The following PRH1 variants were observed in gnomAD, a reference collection of about 807,000 sequenced individuals.
PRH1 encodes the protein salivary acidic proline-rich phosphoprotein 1/2.
A neutral mutation model predicts 7.9 loss-of-function variants in PRH1; 7 were observed. That is an observed-to-expected ratio of 0.89 (90% confidence interval 0.50 to 1.67). PRH1 has a LOEUF of 1.67. Ranked by LOEUF, PRH1 falls within the 40% of genes most tolerant of loss-of-function variation. The pLI, the probability that PRH1 is intolerant of heterozygous loss-of-function variation, is 0.00. For synonymous variants in PRH1, 45 were observed against 80.8 expected (o/e 0.56, Z 2.38); for missense variants, 109 against 223.6 (o/e 0.49, Z 3.27).
At chr12:11,144,309 T>G (rs1430415886) in intron 1 of PRH1, among the ~76,000 whole-genome samples, 1 of 151,996 alleles carries the variant, frequency 6.6e-6, no homozygotes, top group Non-Finnish European at 1.5e-5. Context: ...TCACTGGAGT[T>G]GGGTACCTGG....
chr12:10,908,984 G>C (rs756093481), intron 2 of PRH1: 2 of 1,613,728 alleles, frequency 1.2e-6, no homozygotes, highest in Non-Finnish European at 1.7e-6. Flanking sequence ...GCAAATAAAA[G>C]ATGCTGAAGA....
intron 1 of PRH1, among the ~76,000 whole-genome samples, chr12:11,087,301 T>C (rs1402405106): frequency 8.6e-6 from 1 of 116,634 alleles, no homozygotes; most frequent in Non-Finnish European, 2.0e-5. Flanking sequence ...GGAGTTTCCA[T>C]ATGTTGCAAA....
chr12:10,882,186 G>A (rs1314656292), intron 3 of PRH1, 31 bp downstream of exon 3: 2 of 1,611,180 alleles, frequency 1.2e-6, no homozygotes, highest in Non-Finnish European at 8.5e-7. Context: ...AGCAGTTGGA[G>A]CCTTTGATGG....
chr12:11,069,687 C>A (rs1054150365), intron 1 of PRH1, among the ~76,000 whole-genome samples: 1 of 152,158 alleles, frequency 6.6e-6, no homozygotes, highest in Admixed American at 6.5e-5. Context: ...GTTCATAAGC[C>A]AATAGTTGAA....
At chr12:10,897,058 G>C (rs895146910) in intron 2 of PRH1, 13 of 152,146 alleles carry the variant, frequency 8.5e-5, no homozygotes, top group African/African-American at 3.1e-4. Context: ...CCATGTGCAG[G>C]CCCTCTGGCT....
At chr12:10,970,352 A>C (rs1337678865) in intron 2 of PRH1, among the ~76,000 whole-genome samples, 1 of 152,172 alleles carries the variant, frequency 6.6e-6, no homozygotes, top group Non-Finnish European at 1.5e-5. Flanking sequence ...AATCATCCGT[A>C]TAATTTAATA....
chr12:11,030,777 G>A lies in PRH1; in HGVS notation c.-126+16243C>T, dbSNP rs747080570. 7.6e-5 allele frequency: 123 copies of A among 1,614,058 alleles called. No individual in the cohort carries two copies. The highest frequency in any genetic ancestry group is 1.0e-4 in the Non-Finnish European group (120 of 1,180,040). ...AAACATAGCAGGGTCAGAGTGAAGG[G>A]CACTAAGTTTCCTAGCGTGGTTACA... On this transcript the variant is annotated intron_variant, in intron 1 of 3. Coordinates refer to the PRH1 transcript ENST00000539853.
At chr12:11,003,872 T>C (rs1233904331) in intron 1 of PRH1, among the ~76,000 whole-genome samples, 1 of 152,058 alleles carries the variant, frequency 6.6e-6, no homozygotes, top group Non-Finnish European at 1.5e-5. Flanking sequence ...TGTAAACATG[T>C]CCCTCTAGTT....
chr12:11,145,153 G>A (rs6488350), intron 1 of PRH1, among the ~76,000 whole-genome samples: 68,906 of 151,648 alleles, frequency 0.45, 16,392 homozygotes, highest in Non-Finnish European at 0.52. Flanking sequence ...TGTTCCATCC[G>A]AACCTACACA....
intron 1 of PRH1, among the ~76,000 whole-genome samples, chr12:11,030,234 CAT>C (rs1942120783): frequency 8.4e-6 from 1 of 118,616 alleles, no homozygotes; most frequent in African/African-American, 2.7e-5. Context: ...TAAACACACA[CAT>C]ATATATATTT....
At chr12:11,133,117 T>TCA (rs1946417562) in intron 1 of PRH1, 3 of 601,064 alleles carry the variant, frequency 5.0e-6, no homozygotes, top group Non-Finnish European at 6.9e-6. Flanking sequence ...CTTCAGTTTT[T>TCA]CATACACACA....
rs1388782429 is a variant in PRH1, at chr12:11,096,128, T to C, written n.124-48940A>G. ...ATGAACTGATATACTTTATCACTTT[T>C]GGAAAAATCTCCACATTGCTTCTGC... On this transcript the variant is annotated intron_variant and non_coding_transcript_variant, in intron 1 of 4. Transcript: ENST00000541977. Among the ~76,000 whole-genome samples the C allele has an allele frequency of 4.3e-5, 5 of 116,196 alleles. 1 individual carries two copies. The highest frequency in any genetic ancestry group is 4.7e-4 in the South Asian group (2 of 4,284). The allele number at this position is 116,196 out of a possible 152,430, so 76.2% of individuals were successfully genotyped here.
At chr12:10,955,869 C>T (rs1181214688) in intron 2 of PRH1, among the ~76,000 whole-genome samples, 1 of 151,896 alleles carries the variant, frequency 6.6e-6, no homozygotes, top group East Asian at 1.9e-4. Context: ...CCTTTCAAGA[C>T]TGAATCAGTA....
upstream of PRH1, chr12:11,048,590 C>T (rs1943006778): frequency 1.7e-6 from 1 of 584,664 alleles, no homozygotes; most frequent in Non-Finnish European, 3.2e-6. Flanking sequence ...TTTATGTGCA[C>T]CTTGGTGCTG....
At chr12:11,025,614 T>G (rs1249850015) in intron 1 of PRH1, among the ~76,000 whole-genome samples, 2 of 152,288 alleles carry the variant, frequency 1.3e-5, no homozygotes, top group Admixed American at 6.5e-5. Context: ...CCTTGCAACA[T>G]TTCTCTTGCT....
chr12:11,109,985 G>A (rs555282002), intron 1 of PRH1, among the ~76,000 whole-genome samples: 1 of 152,190 alleles, frequency 6.6e-6, no homozygotes, highest in African/African-American at 2.4e-5. Context: ...ATGACCTGAT[G>A]GAGCTGAAAA....
chr12:10,934,493 C>T (rs1950258706), intron 2 of PRH1, among the ~76,000 whole-genome samples: 1 of 152,026 alleles, frequency 6.6e-6, no homozygotes. Flanking sequence ...GGATACTATA[C>T]AAGGCATTTA....
intron 1 of PRH1, among the ~76,000 whole-genome samples, chr12:11,052,693 A>G (rs2900581): frequency 0.28 from 41,749 of 150,316 alleles, 6,841 homozygotes; most frequent in East Asian, 0.7. Context: ...CTTTCTCTCT[A>G]TGCTTCATTC....
chr12:10,939,257 T>C (rs1285815128), intron 2 of PRH1: 1 of 1,055,552 alleles, frequency 9.5e-7, no homozygotes, highest in African/African-American at 1.6e-5. Context: ...GAAGACTTCT[T>C]AATGCATTCA....
Sources: gnomAD v4.1 joint callset for allele counts (sites outside exome capture counted in the v4.1 genomes callset) on GRCh38, gnomAD v4.1.1 for gene constraint, MANE v1.5 for transcripts, NCBI Gene and HGNC (gene_info 2026-07-23, HGNC 2026-07-21) for gene names.